The following RGS3 variants were observed in gnomAD, a reference collection of about 807,000 sequenced individuals.
RGS3 encodes regulator of G-protein signalling 3.
RGS3 carries 80 observed loss-of-function variants against 132.6 expected under a neutral mutation model. The ratio of observed to expected loss-of-function variants is 0.60; its 90% CI spans 0.50 to 0.73. RGS3 has a LOEUF of 0.73. Among genes scored for constraint, RGS3 ranks in the 30% least tolerant of loss-of-function variants. RGS3 has a pLI of 0.00. For missense variants in RGS3, 1,382 were observed against 1,530.8 expected, an observed-to-expected ratio of 0.90 and a Z score of 1.62; for synonymous variants, 598 against 620.6, an observed-to-expected ratio of 0.96 and a Z score of 0.54.
intron 19 of RGS3, among the ~76,000 whole-genome samples, chr9:113,540,038 T>A (rs1007762971): frequency 6.6e-6 from 1 of 152,076 alleles, no homozygotes; most frequent in Non-Finnish European, 1.5e-5. Context: ...TAGTATCCAT[T>A]TTTTGTAGAA....
chr9:113,595,093 T>G, intron 23 of RGS3, 113 bp downstream of exon 21: 2 of 1,004,510 alleles, frequency 2.0e-6, no homozygotes, highest in Non-Finnish European at 3.1e-6. Flanking sequence ...TCCTCGGCCG[T>G]CAGGGTGTCC....
intron 19 of RGS3, among the ~76,000 whole-genome samples, chr9:113,542,583 G>A (rs982905637): frequency 3.3e-5 from 5 of 152,120 alleles, no homozygotes; most frequent in Non-Finnish European, 7.4e-5. Flanking sequence ...CCATCCCCCT[G>A]CCTACCCTCC....
intron 19 of RGS3, among the ~76,000 whole-genome samples, chr9:113,559,175 G>A (rs540951292): frequency 2.2e-4 from 33 of 152,224 alleles, no homozygotes; most frequent in Non-Finnish European, 2.9e-4. Context: ...TGGCCTCCCC[G>A]TAGCTGAGTC....
intron 22 of RGS3, among the ~76,000 whole-genome samples, 153 bp from the exon 21 acceptor site, chr9:113,594,766 C>T (rs892320399): frequency 6.6e-6 from 1 of 152,088 alleles, no homozygotes; most frequent in African/African-American, 2.4e-5. Flanking sequence ...ACCCTGGCCC[C>T]GGGAAAGAGG....
At chr9:113,583,588 A>G in exon 20 of RGS3, 1 of 1,614,006 alleles carries the variant, frequency 6.2e-7, no homozygotes, top group Non-Finnish European at 8.5e-7. Context: ...TCCACCCAAC[A>G]AGGACTCCCC....
rs746889356 is a variant in RGS3 at position 113,505,416 on chromosome 9, A to G, written c.898-26A>G. On this transcript the variant is annotated intron_variant, in intron 10 of 24. Coordinates refer to ENST00000350696, the Ensembl canonical transcript of RGS3. ...GAGGCAAGAGCCTCCAGCTTCTGGC[A>G]GTGACCGGGCAGGGCTGTGTCCTAG... The G allele has an allele frequency of 2.2e-5, 36 of 1,610,994 alleles. No homozygotes were observed. The Admixed American group carries it at 5.8e-4, about 26-fold the overall frequency.
Position 113,506,511 on chromosome 9 carries a change from G to T in RGS3, c.1085+18G>T. ...GAGATCCGGTGACAGGGGACAGCGGGTGGCCTGGGGCCTCAGGCTGATGGC... is the reference window on the plus strand; with the variant it reads ...GAGATCCGGTGACAGGGGACAGCGGTTGGCCTGGGGCCTCAGGCTGATGGC... On this transcript the variant is annotated intron_variant, in intron 12 of 24. Transcript: ENST00000350696. The surrounding 1 kb of genome is among the most constrained non-coding windows in gnomAD (Gnocchi z 4.7). The T allele has an allele frequency of 2.0e-6, 3 of 1,537,702 alleles. No individual in the cohort carries two copies. The highest frequency in any genetic ancestry group is 2.7e-6 in the Non-Finnish European group (3 of 1,128,506).
intron 3 of RGS3, among the ~76,000 whole-genome samples, chr9:113,465,135 ACCCC>A (rs1829587542): frequency 6.6e-6 from 1 of 152,138 alleles, no homozygotes; most frequent in South Asian, 2.1e-4. Flanking sequence ...ATTCCTGCTA[ACCCC>A]ATTGGGATGC....
chr9:113,451,181 A>T (rs1182585387), intron 1 of RGS3, among the ~76,000 whole-genome samples: 1 of 151,002 alleles, frequency 6.6e-6, no homozygotes, highest in Non-Finnish European at 1.5e-5. Context: ...TCCGTCTCAA[A>T]AAAAAAGAAA....
At chr9:113,558,631 AAGTT>A (rs1833666950) in intron 19 of RGS3, among the ~76,000 whole-genome samples, 2 of 152,164 alleles carry the variant, frequency 1.3e-5, no homozygotes, top group South Asian at 4.1e-4. Flanking sequence ...GATAGGGTCC[AAGTT>A]AGTGAGTTCT....
upstream of RGS3, among the ~76,000 whole-genome samples, chr9:113,455,404 T>TGAA (rs1220233238): frequency 1.3e-5 from 2 of 152,172 alleles, no homozygotes; most frequent in Non-Finnish European, 2.9e-5. Flanking sequence ...AAGCAGCTCT[T>TGAA]GAAGAGGCTG....
At chr9:113,525,085 G>C (rs1832143983) in intron 17 of RGS3, among the ~76,000 whole-genome samples, 1 of 152,176 alleles carries the variant, frequency 6.6e-6, no homozygotes, top group Non-Finnish European at 1.5e-5. Flanking sequence ...TCTCAGGAGA[G>C]ACCACCATGG....
At chr9:113,536,738 G>GC (rs1832692449) in intron 18 of RGS3, 58 bp from the exon 17 acceptor site, 1 of 1,584,914 alleles carries the variant, frequency 6.3e-7, no homozygotes, top group Middle Eastern at 1.7e-4. Context: ...GGGCCTGGGA[G>GC]CCCCCTGAAC....
intron 20 of RGS3, among the ~76,000 whole-genome samples, chr9:113,589,535 G>T (rs1241295681): frequency 6.6e-6 from 1 of 152,216 alleles, no homozygotes; most frequent in African/African-American, 2.4e-5. Context: ...TGAGGATGGC[G>T]GCTGGGTGGG....
intron 18 of RGS3, among the ~76,000 whole-genome samples, chr9:113,536,137 C>T (rs1232020761): frequency 2.0e-5 from 3 of 152,180 alleles, no homozygotes; most frequent in South Asian, 2.1e-4. Context: ...AATAGCGAAG[C>T]GGGACCTAAA....
intron 18 of RGS3, among the ~76,000 whole-genome samples, chr9:113,535,779 C>T (rs555381135): frequency 4.6e-5 from 7 of 152,208 alleles, no homozygotes; most frequent in South Asian, 4.1e-4. Flanking sequence ...TTCATCTAAT[C>T]GCAGCCCTTT....
At chr9:113,509,704 C>T (rs1831315813) in intron 14 of RGS3, among the ~76,000 whole-genome samples, 1 of 152,072 alleles carries the variant, frequency 6.6e-6, no homozygotes, top group Admixed American at 6.6e-5. Flanking sequence ...CACAGACTTG[C>T]TTCCTTGCTG....
intron 19 of RGS3, among the ~76,000 whole-genome samples, chr9:113,538,373 G>A (rs80300960): frequency 0.014 from 2,173 of 152,308 alleles, 59 homozygotes; most frequent in African/African-American, 0.05. Context: ...AATCCAGGCC[G>A]CTTCCTCTTC....
intron 19 of RGS3, among the ~76,000 whole-genome samples, chr9:113,580,020 C>T (rs1479586947): frequency 2.0e-5 from 3 of 152,204 alleles, no homozygotes; most frequent in East Asian, 1.9e-4. Context: ...CTGGGTTTCT[C>T]GGGTTTCCTA....
Sources: allele counts gnomAD v4.1 joint callset (sites outside exome capture counted in the v4.1 genomes callset), GRCh38; gene constraint gnomAD v4.1.1; non-coding constraint Gnocchi (gnomAD v3.1); transcripts MANE v1.5; gene names NCBI Gene and HGNC (gene_info 2026-07-23, HGNC 2026-07-21).